RNF217: variants seen among roughly 807,000 people sequenced by gnomAD.
RNF217 encodes E3 ubiquitin-protein ligase RNF217.
Under a neutral mutation model 57.8 loss-of-function variants are expected in RNF217, and 31 were observed. The ratio of observed to expected loss-of-function variants is 0.54; its 90% CI spans 0.40 to 0.72. The LOEUF (loss-of-function observed/expected upper bound fraction) is 0.72. RNF217 is among the 30% of genes least tolerant of loss of function. The pLI is 0.00. For missense variants in RNF217, 696 were observed against 708.3 expected, an observed-to-expected ratio of 0.98 and a Z score of 0.20; for synonymous variants, 313 against 294.0, an observed-to-expected ratio of 1.06 and a Z score of -0.66.
chr6:124,998,421 T>C (rs990295018), intron 1 of RNF217, among the ~76,000 whole-genome samples: 1 of 152,228 alleles, frequency 6.6e-6, no homozygotes, highest in Non-Finnish European at 1.5e-5. Context: ...TATCTCCATC[T>C]TCACTTTGTC....
chr6:124,982,840 C>T (rs1341013319), intron 1 of RNF217, among the ~76,000 whole-genome samples: 1 of 152,106 alleles, frequency 6.6e-6, no homozygotes, highest in African/African-American at 2.4e-5. Context: ...AAGTAATTTA[C>T]TCACTTCCTG....
intron 1 of RNF217, among the ~76,000 whole-genome samples, chr6:124,969,403 T>C (rs988521217): frequency 7.2e-5 from 11 of 152,218 alleles, no homozygotes; most frequent in African/African-American, 4.8e-5. Flanking sequence ...TTTTACATTA[T>C]AAGCAAAATG....
intron 1 of RNF217, among the ~76,000 whole-genome samples, chr6:125,038,341 T>TA (rs532539684): frequency 1.3e-3 from 192 of 152,314 alleles, no homozygotes; most frequent in African/African-American, 4.3e-3. Flanking sequence ...AACTTGATAC[T>TA]AAAAAATTGA....
In RNF217 at chr6:125,075,047, G is replaced by A. The variant is rs528023457; in HGVS notation, c.1282-1610G>A. Among the ~76,000 whole-genome samples the A allele has an allele frequency of 2.6e-5, 4 of 152,308 alleles. No individual in the cohort carries two copies. The South Asian group carries it at 8.3e-4, about 32-fold the overall frequency. ...TGACTTGAGCAAGTACCTACTCCAA[G>A]TGCAAGCTTGTCCAACCTGTGGACC... On this transcript the variant is annotated intron_variant, in intron 3 of 5. Transcript: ENST00000521654.
chr6:124,997,309 A>G (rs899176331), intron 1 of RNF217, among the ~76,000 whole-genome samples: 2 of 152,180 alleles, frequency 1.3e-5, no homozygotes, highest in African/African-American at 2.4e-5. Context: ...AACATGTTGT[A>G]TTACAATCCT....
intron 1 of RNF217, chr6:124,971,212 A>G (rs1346220559): frequency 1.3e-5 from 2 of 152,494 alleles, no homozygotes; most frequent in Non-Finnish European, 1.5e-5. Context: ...TATTTCATTT[A>G]TAAGGTAAAC....
At chr6:124,973,100 C>A (rs1783822226) in intron 1 of RNF217, among the ~76,000 whole-genome samples, 4 of 152,110 alleles carry the variant, frequency 2.6e-5, no homozygotes, top group African/African-American at 9.7e-5. Flanking sequence ...AATAGATAGG[C>A]AAAGTGATAT....
intron 3 of RNF217, among the ~76,000 whole-genome samples, chr6:125,073,854 A>G (rs892368629): frequency 6.6e-6 from 1 of 152,212 alleles, no homozygotes; most frequent in African/African-American, 2.4e-5. Flanking sequence ...ACCTGACTCC[A>G]TATGTGCCAA....
chr6:125,081,831 T>A (rs1026104775), intron 5 of RNF217, among the ~76,000 whole-genome samples: 7 of 152,222 alleles, frequency 4.6e-5, no homozygotes, highest in African/African-American at 1.4e-4. Context: ...TTTCTAATTC[T>A]GAGTTCAGGT....
intron 1 of RNF217, among the ~76,000 whole-genome samples, chr6:125,034,915 C>T (rs9375384): frequency 6.6e-6 from 1 of 151,546 alleles, no homozygotes; most frequent in South Asian, 2.1e-4. Flanking sequence ...TCCTTCACAT[C>T]CCTTGTAAGT....
intron 1 of RNF217, among the ~76,000 whole-genome samples, chr6:125,040,803 A>G (rs1372017954): frequency 6.6e-6 from 1 of 152,070 alleles, no homozygotes; most frequent in African/African-American, 2.4e-5. Context: ...ATCAATAAAC[A>G]TTATGTAATC....
chr6:125,031,606 T>C (rs1169849542), intron 1 of RNF217, among the ~76,000 whole-genome samples: 3 of 152,196 alleles, frequency 2.0e-5, no homozygotes, highest in African/African-American at 7.2e-5. Flanking sequence ...GAGTCACCTT[T>C]GCTCTAATTC....
intron 1 of RNF217, among the ~76,000 whole-genome samples, chr6:125,019,829 G>A (rs922671274): frequency 7.3e-6 from 1 of 136,940 alleles, no homozygotes; most frequent in Non-Finnish European, 1.6e-5. Context: ...CCCCTTTTTT[G>A]CAGTGGGGGG....
At chr6:124,972,547 G>C (rs1443816487) in intron 1 of RNF217, among the ~76,000 whole-genome samples, 1 of 152,268 alleles carries the variant, frequency 6.6e-6, no homozygotes, top group Non-Finnish European at 1.5e-5. Context: ...TCTGACTCCT[G>C]TGTGTCCGTC....
chr6:125,033,431 G>A (rs1786451246), intron 1 of RNF217, among the ~76,000 whole-genome samples: 1 of 133,206 alleles, frequency 7.5e-6, no homozygotes, highest in Non-Finnish European at 1.7e-5. Flanking sequence ...ATCTATGAGT[G>A]AGAACATGCG....
intron 1 of RNF217, among the ~76,000 whole-genome samples, chr6:125,014,977 G>A (rs75797338): frequency 0.016 from 2,504 of 152,122 alleles, 70 homozygotes; most frequent in African/African-American, 0.057. Context: ...CTGGTCCTGT[G>A]TTGTGTAAAT....
intron 1 of RNF217, among the ~76,000 whole-genome samples, chr6:124,985,819 C>A (rs1341525166): frequency 2.0e-5 from 3 of 151,982 alleles, no homozygotes; most frequent in Non-Finnish European, 2.9e-5. Context: ...ATATAAAAAA[C>A]CAGGAAGCAG....
At chr6:125,070,649 G>T (rs1788098631) in intron 3 of RNF217, among the ~76,000 whole-genome samples, 1 of 152,086 alleles carries the variant, frequency 6.6e-6, no homozygotes, top group Non-Finnish European at 1.5e-5. Context: ...CTCTTCTTTT[G>T]AGAAATGTCT....
intron 1 of RNF217, among the ~76,000 whole-genome samples, chr6:124,973,905 G>A (rs568747393): frequency 5.3e-5 from 8 of 152,332 alleles, no homozygotes; most frequent in Non-Finnish European, 8.8e-5. Context: ...CACTTTCGGG[G>A]TTTCTCATTT....
Sources: gnomAD v4.1 joint callset for allele counts (sites outside exome capture counted in the v4.1 genomes callset) on GRCh38, gnomAD v4.1.1 for gene constraint, MANE v1.5 for transcripts, NCBI Gene and HGNC (gene_info 2026-07-23, HGNC 2026-07-21) for gene names.